The following ZNRF1 variants were observed in gnomAD, a reference collection of about 807,000 sequenced individuals.
ZNRF1 encodes E3 ubiquitin-protein ligase ZNRF1.
Under a neutral mutation model 18.4 loss-of-function variants are expected in ZNRF1, and 3 were observed. The observed-to-expected ratio is 0.16, with a 90% confidence interval of 0.07 to 0.42. ZNRF1 has a LOEUF of 0.42. Among genes scored for constraint, ZNRF1 ranks in the 10% least tolerant of loss-of-function variants. The probability of loss-of-function intolerance (pLI) is 0.99; values close to 1 mark genes in which losing one functional copy is unlikely to be tolerated. For missense variants in ZNRF1, 310 were observed against 329.8 expected, an observed-to-expected ratio of 0.94 and a Z score of 0.47; for synonymous variants, 157 against 144.2, an observed-to-expected ratio of 1.09 and a Z score of -0.64.
In ZNRF1 at chr16:75,035,982, G is replaced by A. The variant is rs565385456; in HGVS notation, c.424+35887G>A. Among the ~76,000 whole-genome samples the A allele has an allele frequency of 1.5e-3, 233 of 152,284 alleles. 3 individuals are homozygous for A. The highest frequency in any genetic ancestry group is 6.2e-4 in the Non-Finnish European group (42 of 68,018). On this transcript the variant is annotated intron_variant, in intron 1 of 4. Transcript: ENST00000335325. ...TTTTTCTATCTACTGGGAGACTACC[G>A]TTCTCTGGCACCAGTTGCGACCAAT...
intron 1 of ZNRF1, among the ~76,000 whole-genome samples, chr16:75,030,514 C>T (rs2035288201): frequency 6.6e-6 from 1 of 152,114 alleles, no homozygotes; most frequent in Non-Finnish European, 1.5e-5. Context: ...GGAAATCTTA[C>T]TGACCTTGCA....
chr16:75,103,248 A>G (rs1207744595), intron 2 of ZNRF1, among the ~76,000 whole-genome samples: 2 of 152,116 alleles, frequency 1.3e-5, no homozygotes, highest in Non-Finnish European at 2.9e-5. Flanking sequence ...GCTTCCTTCC[A>G]TTCCTTCTTT....
intron 1 of ZNRF1, among the ~76,000 whole-genome samples, chr16:75,018,989 A>G (rs1253913043): frequency 6.6e-6 from 1 of 152,070 alleles, no homozygotes; most frequent in African/African-American, 2.4e-5. Flanking sequence ...AACATGATGA[A>G]ACCCTGTCTC....
intron 1 of ZNRF1, among the ~76,000 whole-genome samples, chr16:75,055,069 G>T (rs1250616537): frequency 3.9e-5 from 6 of 152,190 alleles, no homozygotes; most frequent in African/African-American, 1.4e-4. Context: ...TGGGTGGGCA[G>T]GCGTTCGTTT....
intron 2 of ZNRF1, among the ~76,000 whole-genome samples, chr16:75,094,492 A>G (rs947950626): frequency 1.3e-5 from 2 of 152,202 alleles, no homozygotes; most frequent in Admixed American, 6.5e-5. Flanking sequence ...TGTGTCTACA[A>G]TCTTATACAA....
At chr16:75,003,984 A>G (rs2034886531) in intron 1 of ZNRF1, among the ~76,000 whole-genome samples, 1 of 150,048 alleles carries the variant, frequency 6.7e-6, no homozygotes. Context: ...CTTTTGAGAC[A>G]GGGTCTTATT....
chr16:75,036,388 C>T (rs944389249), intron 1 of ZNRF1, among the ~76,000 whole-genome samples: 2 of 152,118 alleles, frequency 1.3e-5, no homozygotes, highest in African/African-American at 2.4e-5. Context: ...GTCTCAGCCT[C>T]CCAAAGTGCT....
chr16:75,052,339 T>C (rs1663105539), intron 1 of ZNRF1, among the ~76,000 whole-genome samples: 1 of 151,050 alleles, frequency 6.6e-6, no homozygotes. Context: ...AGGCAGAGGT[T>C]GCAGTGAGCC....
intron 1 of ZNRF1, among the ~76,000 whole-genome samples, chr16:75,019,849 C>T (rs1376085679): frequency 6.6e-6 from 1 of 152,088 alleles, no homozygotes; most frequent in Non-Finnish European, 1.5e-5. Context: ...CTCAGCCTCC[C>T]GAGTAGCTAG....
At chr16:75,042,552 A>G (rs1002211366) in intron 1 of ZNRF1, among the ~76,000 whole-genome samples, 13 of 151,100 alleles carry the variant, frequency 8.6e-5, no homozygotes, top group African/African-American at 2.2e-4. Context: ...TCAACTGGTC[A>G]TAAATGTAGT....
chr16:75,029,097 A>T (rs9935371), intron 1 of ZNRF1, among the ~76,000 whole-genome samples: 147,967 of 148,228 alleles, frequency 1, 73,853 homozygotes, highest in Middle Eastern at 1. Flanking sequence ...TTTTGCTACA[A>T]CTCCAGCTTG....
At chr16:75,001,593 G>C (rs1260848998) in intron 1 of ZNRF1, among the ~76,000 whole-genome samples, 1 of 152,158 alleles carries the variant, frequency 6.6e-6, no homozygotes, top group East Asian at 1.9e-4. Flanking sequence ...TTAGTCCAGA[G>C]AGTTAGCCAT....
chr16:75,000,143 G>T, intron 1 of ZNRF1, 48 bp downstream of exon 1: 1 of 1,567,196 alleles, frequency 6.4e-7, no homozygotes, highest in Non-Finnish European at 8.6e-7. Flanking sequence ...GCGCCGGGGC[G>T]CCCCAAGCCT....
At chr16:75,006,127 G>T (rs2034914149) in intron 1 of ZNRF1, among the ~76,000 whole-genome samples, 1 of 152,150 alleles carries the variant, frequency 6.6e-6, no homozygotes, top group South Asian at 2.1e-4. Context: ...CATGCATGTA[G>T]GGTGGTGCGT....
At chr16:75,075,435 G>A (rs1417988255) in intron 1 of ZNRF1, among the ~76,000 whole-genome samples, 2 of 152,322 alleles carry the variant, frequency 1.3e-5, no homozygotes, top group East Asian at 1.9e-4. Context: ...TCTCACACAC[G>A]CTTCACTGTC....
intron 1 of ZNRF1, among the ~76,000 whole-genome samples, chr16:75,006,406 CCTAAATCTTAACCTCAGTCAGTT>C (rs2034917664): frequency 2.0e-5 from 3 of 152,210 alleles, no homozygotes; most frequent in African/African-American, 7.2e-5. Context: ...TAGCCCAAAA[CCTAAATCTTAACCTCAGTCAGTT>C]TGTTTGTTTG....
In ZNRF1 at chr16:75,016,109, A is replaced by G. The variant is rs569451600; in HGVS notation, c.424+16014A>G. ...CTAATTTTTTGTATTTTTAGTAGAG[A>G]CGGGGTTTCACCGTGTTAGCCAGGA... On this transcript the variant is annotated intron_variant, in intron 1 of 4. Coordinates refer to ENST00000335325, the MANE Select transcript of ZNRF1 (RefSeq NM_032268.5). 6.8e-4 allele frequency among the ~76,000 whole-genome samples: 102 copies of G among 150,302 alleles called. 1 individual carries two copies. The highest frequency in any genetic ancestry group is 2.4e-3 in the African/African-American group (99 of 40,882).
At chr16:75,057,124 T>G (rs1203221528) in intron 1 of ZNRF1, among the ~76,000 whole-genome samples, 1 of 151,968 alleles carries the variant, frequency 6.6e-6, no homozygotes, top group Non-Finnish European at 1.5e-5. Flanking sequence ...CTCCTGGGGG[T>G]TTCTCTCATT....
chr16:75,011,727 A>T (rs1954956), intron 1 of ZNRF1, among the ~76,000 whole-genome samples: 2 of 152,020 alleles, frequency 1.3e-5, no homozygotes, highest in African/African-American at 2.4e-5. Context: ...GCTAGCTGCC[A>T]TCCATCTTAA....
Sources: allele counts gnomAD v4.1 joint callset (sites outside exome capture counted in the v4.1 genomes callset), GRCh38; gene constraint gnomAD v4.1.1; transcripts MANE v1.5; gene names NCBI Gene and HGNC (gene_info 2026-07-23, HGNC 2026-07-21).